Variants in SNX30 observed in about 807,000 individuals in gnomAD.
The protein encoded by SNX30 is sorting nexin-30.
SNX30 carries 24 observed loss-of-function variants against 46.4 expected under a neutral mutation model. That is an observed-to-expected ratio of 0.52 (90% CI 0.37 to 0.73). The LOEUF (loss-of-function observed/expected upper bound fraction) is 0.73. Among genes scored for constraint, SNX30 ranks in the 30% least tolerant of loss-of-function variants. The probability of loss-of-function intolerance (pLI) is 0.00; values close to 1 mark genes in which losing one functional copy is unlikely to be tolerated. For missense variants in SNX30, 533 were observed against 555.7 expected, an observed-to-expected ratio of 0.96 and a Z score of 0.41; for synonymous variants, 189 against 211.5, an observed-to-expected ratio of 0.89 and a Z score of 0.92.
chr9:112,783,422 A>G (rs992626434), intron 1 of SNX30, among the ~76,000 whole-genome samples: 4 of 152,258 alleles, frequency 2.6e-5, no homozygotes, highest in Non-Finnish European at 5.9e-5. Flanking sequence ...TGACTTACAC[A>G]GTGCCTGGCA....
chr9:112,833,608 A>T (rs1840703386), intron 4 of SNX30, among the ~76,000 whole-genome samples: 1 of 152,210 alleles, frequency 6.6e-6, no homozygotes. Flanking sequence ...TGGGTACAGC[A>T]ATCAGATGGA....
Position 112,822,536 on chromosome 9 carries a change from G to GT in SNX30, c.459+4725dup, listed in dbSNP as rs139781990. On this transcript the variant is annotated intron_variant, in intron 3 of 8. Coordinates refer to ENST00000374232, the MANE Select transcript of SNX30 (RefSeq NM_001012994.2). ...TTTTCTTTTGTCCCTTTGCTGTTTTGTTTTGTTTTTTTTTTTTGTAAGAAC... is the reference window on the plus strand; with the variant it reads ...TTTTCTTTTGTCCCTTTGCTGTTTTGTTTTTGTTTTTTTTTTTTGTAAGAAC... Among the ~76,000 whole-genome samples the GT allele has an allele frequency of 9.8e-3, 1,215 of 123,672 alleles. 60 individuals carry two copies. The highest frequency in any genetic ancestry group is 0.042 in the Middle Eastern group (9 of 212). The allele number at this position is 123,672 out of a possible 152,430, so 81.1% of individuals were successfully genotyped here.
chr9:112,811,103 G>A (rs956922733), intron 2 of SNX30, among the ~76,000 whole-genome samples: 1 of 152,232 alleles, frequency 6.6e-6, no homozygotes, highest in African/African-American at 2.4e-5. Flanking sequence ...TTGGCAGAAA[G>A]ATCTGAGAGG....
intron 2 of SNX30, among the ~76,000 whole-genome samples, chr9:112,811,505 G>T (rs1840319059): frequency 6.6e-6 from 1 of 152,142 alleles, no homozygotes; most frequent in Non-Finnish European, 1.5e-5. Flanking sequence ...CCTGCTGGAT[G>T]ACCGATTAGA....
intron 1 of SNX30, among the ~76,000 whole-genome samples, chr9:112,767,814 G>A (rs1166087340): frequency 6.6e-6 from 1 of 151,910 alleles, no homozygotes; most frequent in African/African-American, 2.4e-5. Flanking sequence ...TGTCCATGCT[G>A]GTCTCAAACT....
Position 112,782,232 on chromosome 9 carries a change from A to T in SNX30, c.157-22544A>T, listed in dbSNP as rs537355505. On this transcript the variant is annotated intron_variant, in intron 1 of 8. Coordinates refer to ENST00000374232, the MANE Select transcript of SNX30 (RefSeq NM_001012994.2). ...CAGGCATGTGCCACCATGCCTGTTT[A>T]ATTTTGTATTTTTATTAGAGATGGG... Among the ~76,000 whole-genome samples, 105 of 150,590 alleles carry T rather than the reference A, an allele frequency of 7.0e-4. No homozygotes were observed. In the Middle Eastern group the frequency reaches 0.017, roughly 25 times the overall value.
intron 2 of SNX30, among the ~76,000 whole-genome samples, chr9:112,814,900 A>G (rs1308083062): frequency 1.3e-5 from 2 of 152,202 alleles, no homozygotes; most frequent in Non-Finnish European, 2.9e-5. Flanking sequence ...TTAAATGGGG[A>G]TTTGGTTTAA....
chr9:112,869,315 A>C lies in SNX30; in HGVS notation c.*472A>C. 1 of 198,536 alleles carries C rather than the reference A, an allele frequency of 5.0e-6. No individual in the cohort carries two copies. Among genetic ancestry groups the C allele is most frequent in the Non-Finnish European group, 1.1e-5 (1 of 94,930 alleles). The allele number at this position is 198,536 out of a possible 1,614,324, so 12.3% of individuals were successfully genotyped here. ...CTGGAATTGGCCTCTGTGGGCATTG[A>C]CTCGTCTTGGCCTAGGAGGCATTGG... On this transcript the variant is annotated 3_prime_UTR_variant, in exon 9 of 9. Transcript: ENST00000374232.
rs767985222 is a variant in SNX30, at chr9:112,804,810, G to A, written c.191G>A (p.Gly64Asp). Residue 64 changes from glycine (G) to aspartate (D), a missense_variant, in exon 2 of 9, where the codon GGT becomes GAT. Physicochemically the swap from Gly to Asp is moderately conservative, Grantham distance 94 (BLOSUM62 -1). Around this residue, in one of 3 missense-constraint regions of SNX30, gnomAD observed 191 missense variants for 160.3 expected, o/e 1.19. Coordinates refer to ENST00000374232, the MANE Select transcript of SNX30 (RefSeq NM_001012994.2). ...LILPNGGTPA[G>D]TSSPASSSSL... ...TTGCCCAACGGTGGTACTCCAGCAG[G>A]TACTTCAAGTCCAGCTTCTTCATCT... The A allele has an allele frequency of 7.4e-6, 12 of 1,612,958 alleles. No homozygotes were observed. The highest frequency in any genetic ancestry group is 1.0e-5 in the Non-Finnish European group (12 of 1,179,380).
chr9:112,866,062 C>G (rs940904830), intron 8 of SNX30, among the ~76,000 whole-genome samples: 3 of 152,110 alleles, frequency 2.0e-5, no homozygotes, highest in African/African-American at 7.2e-5. Context: ...GGGCCACTGT[C>G]TTGGGGCCTG....
At chr9:112,792,605 T>C (rs1185668887) in intron 1 of SNX30, among the ~76,000 whole-genome samples, 1 of 152,132 alleles carries the variant, frequency 6.6e-6, no homozygotes, top group East Asian at 1.9e-4. Context: ...TTTGTATTTT[T>C]ACTAGAGACA....
At chr9:112,819,247 T>G (rs1840452859) in intron 3 of SNX30, among the ~76,000 whole-genome samples, 1 of 146,786 alleles carries the variant, frequency 6.8e-6, no homozygotes, top group Non-Finnish European at 1.5e-5. Flanking sequence ...TCCAAGTTCC[T>G]TTTTATTTTT....
At chr9:112,760,420 A>C (rs1839417433) in intron 1 of SNX30, among the ~76,000 whole-genome samples, 1 of 152,202 alleles carries the variant, frequency 6.6e-6, no homozygotes, top group African/African-American at 2.4e-5. Context: ...TTTATTAGCC[A>C]AAATAGCATC....
At chr9:112,829,297 TCTCA>T (rs905696714) in intron 3 of SNX30, among the ~76,000 whole-genome samples, 1 of 152,174 alleles carries the variant, frequency 6.6e-6, no homozygotes, top group African/African-American at 2.4e-5. Flanking sequence ...TGAGATGAAG[TCTCA>T]CTCTGTAACC....
intron 2 of SNX30, among the ~76,000 whole-genome samples, chr9:112,805,798 CT>C (rs1840216500): frequency 6.6e-6 from 1 of 152,148 alleles, no homozygotes; most frequent in African/African-American, 2.4e-5. Flanking sequence ...AACTTATATC[CT>C]TTAGTTACAA....
chr9:112,780,075 G>C (rs1050366480), intron 1 of SNX30, among the ~76,000 whole-genome samples: 4 of 152,224 alleles, frequency 2.6e-5, no homozygotes, highest in Non-Finnish European at 5.9e-5. Context: ...GGACCAACGT[G>C]CTGCTTCTAC....
intron 1 of SNX30, among the ~76,000 whole-genome samples, chr9:112,777,308 G>A (rs1040389278): frequency 6.6e-6 from 1 of 152,074 alleles, no homozygotes; most frequent in Non-Finnish European, 1.5e-5. Flanking sequence ...AGCTCAGCCC[G>A]TCACCATTGT....
chr9:112,829,519 C>T (rs867215593), intron 3 of SNX30, among the ~76,000 whole-genome samples: 22 of 152,352 alleles, frequency 1.4e-4, no homozygotes, highest in African/African-American at 5.1e-4. Context: ...TGAGTTGAGG[C>T]AATCCACCTG....
chr9:112,781,557 G>A lies in SNX30; in HGVS notation c.157-23219G>A, dbSNP rs1207605714. On this transcript the variant is annotated intron_variant, in intron 1 of 8. Coordinates refer to ENST00000374232, the MANE Select transcript of SNX30 (RefSeq NM_001012994.2). Reference sequence around the variant, plus strand: ...AAATTGGCAGACTAAGGCCAAAAGGGTGTATCTGTCCAGCTGCCTGTTTTA... The same window carrying A: ...AAATTGGCAGACTAAGGCCAAAAGGATGTATCTGTCCAGCTGCCTGTTTTA... Among the ~76,000 whole-genome samples the A allele has an allele frequency of 5.9e-5, 9 of 152,274 alleles. No individual in the cohort carries two copies. In the East Asian group the frequency reaches 1.5e-3, roughly 26 times the overall value.
Sources: allele counts gnomAD v4.1 joint callset (sites outside exome capture counted in the v4.1 genomes callset), GRCh38; gene constraint gnomAD v4.1.1; regional missense constraint gnomAD v4.1.1; transcripts MANE v1.5; gene names NCBI Gene and HGNC (gene_info 2026-07-23, HGNC 2026-07-21).